XKR4: variants seen among roughly 807,000 people sequenced by gnomAD.
The protein encoded by XKR4 is XK-related protein 4.
Under a neutral mutation model 53.9 loss-of-function variants are expected in XKR4, and 12 were observed. The ratio of observed to expected loss-of-function variants is 0.22; its 90% CI spans 0.14 to 0.36. The LOEUF is 0.36. Ranked by LOEUF, XKR4 falls within the 10% of genes least tolerant of loss-of-function variation. The pLI, the probability that XKR4 is intolerant of heterozygous loss-of-function variation, is 1.00. For synonymous variants in XKR4, 354 were observed against 362.4 expected, an observed-to-expected ratio of 0.98 and a Z score of 0.26; for missense variants, 799 against 859.5, an observed-to-expected ratio of 0.93 and a Z score of 0.88.
chr8:55,458,544 G>A (rs1362116887), intron 2 of XKR4, among the ~76,000 whole-genome samples: 1 of 152,240 alleles, frequency 6.6e-6, no homozygotes, highest in Non-Finnish European at 1.5e-5. Flanking sequence ...CAGCATCCAG[G>A]AGGAGTCAGG....
chr8:55,357,282 G>A (rs145245051), intron 1 of XKR4, among the ~76,000 whole-genome samples: 1,687 of 152,186 alleles, frequency 0.011, 13 homozygotes, highest in Middle Eastern at 0.024. Context: ...CATATATTTT[G>A]GTATTTCAGG....
chr8:55,232,616 A>T (rs113248713), intron 1 of XKR4, among the ~76,000 whole-genome samples: 208 of 152,150 alleles, frequency 1.4e-3, no homozygotes, highest in African/African-American at 4.7e-3. Flanking sequence ...AATTGCCTGA[A>T]TTTTTCCCAC....
Position 55,106,446 on chromosome 8 carries a change from A to G in XKR4, c.806+3152A>G, listed in dbSNP as rs576675266. Reference sequence around the variant, plus strand: ...TGAAATAATAAAGTGAATTTTTGCTACCATGTGAAAAGAGCAATTATGACT... The same window carrying G: ...TGAAATAATAAAGTGAATTTTTGCTGCCATGTGAAAAGAGCAATTATGACT... On this transcript the variant is annotated intron_variant, in intron 1 of 2. Transcript: ENST00000327381. Among the ~76,000 whole-genome samples the G allele has an allele frequency of 2.0e-5, 3 of 152,298 alleles. No individual in the cohort carries two copies. The South Asian group carries it at 6.2e-4, about 32-fold the overall frequency.
At position 55,527,973 on chromosome 8, in the gene XKR4, T is replaced by TGTATATATATATATATATGTATATATAC. The variant is rs1806900494; in HGVS notation, c.*3755_*3756insTATATATATGTATATATACGTATATATA. The TGTATATATATATATATATGTATATATAC allele has an allele frequency of 6.6e-6, 1 of 152,128 alleles. No individual in the cohort carries two copies. Among genetic ancestry groups the TGTATATATATATATATATGTATATATAC allele is most frequent in the African/African-American group, 2.4e-5 (1 of 41,406 alleles). The allele number at this position is 152,128 out of a possible 1,614,324, so 9.4% of individuals were successfully genotyped here. On this transcript the variant is annotated 3_prime_UTR_variant, in exon 3 of 3. Coordinates refer to ENST00000327381, the MANE Select transcript of XKR4 (RefSeq NM_052898.2). ...AAGTGTGTTTGTGTACATACATATA[T>TGTATATATATATATATATGTATATATAC]GTATATATACGTACCTATATATGTA...
chr8:55,346,557 GA>G (rs1252581604), intron 1 of XKR4, among the ~76,000 whole-genome samples: 1 of 152,226 alleles, frequency 6.6e-6, no homozygotes, highest in African/African-American at 2.4e-5. Flanking sequence ...GGAGAAGGCA[GA>G]AGCCTAATAT....
chr8:55,496,234 A>G (rs1332772203), intron 2 of XKR4, among the ~76,000 whole-genome samples: 3 of 152,224 alleles, frequency 2.0e-5, no homozygotes, highest in Non-Finnish European at 4.4e-5. Flanking sequence ...CTTAATGGAT[A>G]AAGATTAGGA....
intron 1 of XKR4, among the ~76,000 whole-genome samples, chr8:55,203,332 G>C (rs561251647): frequency 6.6e-6 from 1 of 152,212 alleles, no homozygotes. Flanking sequence ...GGAAGGGTTC[G>C]CAAAGGTGGG....
chr8:55,469,959 T>A (rs1183183490), intron 2 of XKR4, among the ~76,000 whole-genome samples: 7 of 152,116 alleles, frequency 4.6e-5, no homozygotes, highest in Non-Finnish European at 1.0e-4. Flanking sequence ...TTTCTAGGAA[T>A]GCAGTCTTGG....
chr8:55,323,578 T>A (rs776289880), intron 1 of XKR4, among the ~76,000 whole-genome samples: 3 of 152,256 alleles, frequency 2.0e-5, no homozygotes, highest in Non-Finnish European at 2.9e-5. Context: ...GTACCATTTG[T>A]CTATCCATTC....
At chr8:55,311,219 C>T (rs1170042759) in intron 1 of XKR4, among the ~76,000 whole-genome samples, 1 of 152,208 alleles carries the variant, frequency 6.6e-6, no homozygotes, top group Middle Eastern at 3.2e-3. Context: ...TATGCAAGCT[C>T]TCAGAGCCTT....
intron 2 of XKR4, among the ~76,000 whole-genome samples, chr8:55,414,982 T>C (rs970125983): frequency 6.6e-6 from 1 of 152,240 alleles, no homozygotes; most frequent in Non-Finnish European, 1.5e-5. Flanking sequence ...TAATGTGGTA[T>C]TGGAGTGCCT....
intron 1 of XKR4, among the ~76,000 whole-genome samples, chr8:55,173,895 C>G (rs1057043036): frequency 6.6e-6 from 1 of 152,128 alleles, no homozygotes; most frequent in African/African-American, 2.4e-5. Context: ...TCTTTCACAA[C>G]TCAAATTTTG....
intron 1 of XKR4, among the ~76,000 whole-genome samples, chr8:55,270,514 C>T (rs1818674398): frequency 6.6e-6 from 1 of 152,158 alleles, no homozygotes; most frequent in African/African-American, 2.4e-5. Flanking sequence ...TGATGATTCC[C>T]ATTGTGAACA....
intron 2 of XKR4, among the ~76,000 whole-genome samples, chr8:55,501,797 C>G (rs939404394): frequency 6.6e-6 from 1 of 151,942 alleles, no homozygotes; most frequent in African/African-American, 2.4e-5. Flanking sequence ...CATGGGTGAA[C>G]AAATATCTTT....
At chr8:55,110,010 C>G (rs1006203346) in intron 1 of XKR4, among the ~76,000 whole-genome samples, 1 of 152,164 alleles carries the variant, frequency 6.6e-6, no homozygotes, top group African/African-American at 2.4e-5. Flanking sequence ...GACTTACTGG[C>G]TAATCTGATT....
intron 2 of XKR4, among the ~76,000 whole-genome samples, chr8:55,471,271 G>A (rs1396923048): frequency 6.6e-6 from 1 of 152,010 alleles, no homozygotes; most frequent in South Asian, 2.1e-4. Context: ...GGTGGGGTGA[G>A]GAAAGTAAAG....
At chr8:55,182,139 G>T (rs550774144) in intron 1 of XKR4, among the ~76,000 whole-genome samples, 2 of 151,892 alleles carry the variant, frequency 1.3e-5, no homozygotes, top group African/African-American at 4.8e-5. Context: ...AATTCATTAT[G>T]AATTTTGAAA....
intron 2 of XKR4, among the ~76,000 whole-genome samples, chr8:55,358,528 T>G (rs1171819980): frequency 6.6e-6 from 1 of 152,230 alleles, no homozygotes; most frequent in African/African-American, 2.4e-5. Context: ...GTAGGACTAT[T>G]CCAGTTACAG....
chr8:55,175,370 G>A lies in XKR4; in HGVS notation c.806+72076G>A, dbSNP rs1276101168. On this transcript the variant is annotated intron_variant, in intron 1 of 2. Transcript: ENST00000327381. ...TGGAGTCCATTTGGGCAGATTATGAGTAATATAAGAATAATATAAACTTCA... is the reference window on the plus strand; with the variant it reads ...TGGAGTCCATTTGGGCAGATTATGAATAATATAAGAATAATATAAACTTCA... Among the ~76,000 whole-genome samples, 3 of 152,172 alleles carry A rather than the reference G, an allele frequency of 2.0e-5. No individual in the cohort carries two copies. The East Asian group carries it at 5.8e-4, about 29-fold the overall frequency.
Sources: allele counts gnomAD v4.1 joint callset (sites outside exome capture counted in the v4.1 genomes callset), GRCh38; gene constraint gnomAD v4.1.1; transcripts MANE v1.5; gene names NCBI Gene and HGNC (gene_info 2026-07-23, HGNC 2026-07-21).